Variants in AFM observed in about 807,000 individuals in gnomAD.
The protein encoded by AFM is afamin.
In AFM, 82 loss-of-function variants were observed where a neutral mutation model predicts 68.7. The observed-to-expected ratio is 1.19, with a 90% confidence interval of 1.00 to 1.43. The LOEUF (loss-of-function observed/expected upper bound fraction) is 1.43. Among genes scored for constraint, AFM ranks in the 40% most tolerant of loss-of-function variants. The pLI, the probability that AFM is intolerant of heterozygous loss-of-function variation, is 0.00. For missense variants in AFM, 772 were observed against 701.8 expected (o/e 1.10, Z -1.13); for synonymous variants, 250 against 234.2 (o/e 1.07, Z -0.61).
Position 73,487,009 on chromosome 4 carries a change from C to T in AFM, c.525C>T (p.Ala175=). The T allele has an allele frequency of 1.2e-6, 2 of 1,613,812 alleles. No homozygotes were observed. The highest frequency in any genetic ancestry group is 1.7e-6 in the Non-Finnish European group (2 of 1,179,876). The change falls in exon 5 of 15, where the codon GCC becomes GCT. Residue 175 remains alanine (A), a synonymous_variant. Transcript: ENST00000226355. ...EVARRNPFVF[A]PTLLTVAVHF... Reference sequence around the variant, plus strand: ...CCAGAAGGAACCCATTTGTCTTCGCCCCTACACTTCTAACTGTTGCTGTTC... The same window carrying T: ...CCAGAAGGAACCCATTTGTCTTCGCTCCTACACTTCTAACTGTTGCTGTTC...
At chr4:73,488,840 GGT>G (rs902479346) in intron 7 of AFM, 81 bp downstream of exon 7, 1 of 1,360,368 alleles carries the variant, frequency 7.4e-7, no homozygotes, top group Non-Finnish European at 1.0e-6. Context: ...CCTGATATGT[GGT>G]TACTTTGCCA....
chr4:73,489,175 G>C (rs761010816), intron 7 of AFM, among the ~76,000 whole-genome samples: 1 of 152,030 alleles, frequency 6.6e-6, no homozygotes, highest in African/African-American at 2.4e-5. Context: ...ACGCTATTCA[G>C]GTATAGTCCT....
At chr4:73,484,236 T>A in intron 2 of AFM, 22 bp from the exon 3 acceptor site, 1 of 1,595,878 alleles carries the variant, frequency 6.3e-7, no homozygotes, top group Non-Finnish European at 8.5e-7. Context: ...GATCTTTGTA[T>A]ACCCCATGTG....
intron 8 of AFM, 21 bp downstream of exon 8, chr4:73,492,107 A>G: frequency 6.3e-7 from 1 of 1,576,734 alleles, no homozygotes; most frequent in Non-Finnish European, 8.6e-7. Flanking sequence ...TCTTTATTGA[A>G]TTTATAAGGG....
chr4:73,496,706 A>C (rs1172679134), intron 9 of AFM, among the ~76,000 whole-genome samples: 1 of 152,290 alleles, frequency 6.6e-6, no homozygotes, highest in East Asian at 1.9e-4. Flanking sequence ...ATATGATTTT[A>C]GCTATTTACA....
intron 1 of AFM, among the ~76,000 whole-genome samples, chr4:73,482,998 G>T (rs2149342030): frequency 6.6e-6 from 1 of 152,208 alleles, no homozygotes; most frequent in Non-Finnish European, 1.5e-5. Context: ...CTGGGCCCAG[G>T]TTCTTTCTAT....
chr4:73,484,483 TTTCTTTC>T (rs1720822317), intron 3 of AFM, 93 bp downstream of exon 3: 15 of 704,732 alleles, frequency 2.1e-5, no homozygotes, highest in Non-Finnish European at 3.2e-5. Flanking sequence ...TCTTTCTTTC[TTTCTTTC>T]TTTCTTTCTT....
At chr4:73,482,020 G>A (rs539759071) in intron 1 of AFM, among the ~76,000 whole-genome samples, 157 bp downstream of exon 1, 1 of 152,154 alleles carries the variant, frequency 6.6e-6, no homozygotes, top group Admixed American at 6.5e-5. Context: ...AACCTTTTCA[G>A]AATTTTTATT....
intron 4 of AFM, 43 bp from the exon 5 acceptor site, chr4:73,486,923 TC>T: frequency 6.3e-7 from 1 of 1,588,712 alleles, no homozygotes; most frequent in South Asian, 1.1e-5. Flanking sequence ...GCTTCCTGTT[TC>T]TTCCCTCACC....
At chr4:73,501,684 C>A in intron 12 of AFM, 103 bp from the exon 13 acceptor site, 2 of 1,323,496 alleles carry the variant, frequency 1.5e-6, no homozygotes, top group South Asian at 3.0e-5. Flanking sequence ...TTACCCACAC[C>A]CAAGCTGAGA....
intron 9 of AFM, 77 bp downstream of exon 9, chr4:73,495,509 T>A: frequency 1.3e-6 from 2 of 1,554,702 alleles, no homozygotes; most frequent in Non-Finnish European, 1.7e-6. Flanking sequence ...ATCAGAGTTT[T>A]GCTGCAGTCT....
rs1384155853 is a variant in AFM, at chr4:73,486,087, T to C, written c.482+14T>C. The C allele has an allele frequency of 1.3e-6, 2 of 1,596,786 alleles. No individual in the cohort carries two copies. The highest frequency in any genetic ancestry group is 1.7e-6 in the Non-Finnish European group (2 of 1,165,942). On this transcript the variant is annotated intron_variant, in intron 4 of 14. Coordinates refer to ENST00000226355, the MANE Select transcript of AFM (RefSeq NM_001133.2). Reference sequence around the variant, plus strand: ...CCTTTTAAATCAGTAAGTTTAATCTTAGTAAAAAATGATCCAGTTGAAGAA... The same window carrying C: ...CCTTTTAAATCAGTAAGTTTAATCTCAGTAAAAAATGATCCAGTTGAAGAA...
Position 73,491,887 on chromosome 4 carries a change from C to G in AFM, c.859C>G (p.His287Asp), listed in dbSNP as rs376119920. Reference protein sequence around the residue: ...CIRDTSKVMNHICSKQDSISS... With the variant: ...CIRDTSKVMNDICSKQDSISS... ...TTTGGTACAGAGCAAGGTTATGAAC[C>G]ATATTTGTTCAAAACAAGATTCTAT... is the stretch of plus-strand genomic sequence containing the variant. Residue 287 changes from histidine (H) to aspartate (D), a missense_variant, in exon 8 of 15, where the codon CAT (histidine) becomes GAT (aspartate). His to Asp is a moderately conservative substitution (Grantham distance 81, BLOSUM62 -1). Transcript: ENST00000226355. 263 of 1,612,822 alleles carry G rather than the reference C, an allele frequency of 1.6e-4. 3 individuals are homozygous for G. The South Asian group carries it at 2.6e-3, about 16-fold the overall frequency.
At position 73,499,197 on chromosome 4, in the gene AFM, T is replaced by C; in HGVS notation, c.1373T>C (p.Phe458Ser). 6.2e-7 allele frequency: 1 copy of C among 1,613,072 alleles called. No individual in the cohort carries two copies. Among genetic ancestry groups the C allele is most frequent in the Non-Finnish European group, 8.5e-7 (1 of 1,179,490 alleles). Residue 458 changes from phenylalanine to serine, a missense_variant, in exon 11 of 15, where the codon TTC becomes TCC. Physicochemically the swap from Phe to Ser is radical, Grantham distance 155. Transcript: ENST00000226355. ...VSLGEKMVTA[F>S]TTCCTLSEEF... ...CTTGGCGAGAAAATGGTGACAGCTTTCACTACTTGCTGTACGCTAAGTGAA... is the reference window on the plus strand; with the variant it reads ...CTTGGCGAGAAAATGGTGACAGCTTCCACTACTTGCTGTACGCTAAGTGAA...
Position 73,491,926 on chromosome 4 carries a change from A to G in AFM, c.898A>G (p.Lys300Glu). Residue 300 changes from lysine to glutamate, a missense_variant, in exon 8 of 15, where the codon AAA becomes GAA. Coordinates refer to ENST00000226355, the MANE Select transcript of AFM (RefSeq NM_001133.2). ...SKQDSISSKI[K>E]ECCEKKIPER... ...ACAAGATTCTATCTCCAGCAAAATCAAAGAGTGCTGTGAAAAGAAAATACC... is the reference window on the plus strand; with the variant it reads ...ACAAGATTCTATCTCCAGCAAAATCGAAGAGTGCTGTGAAAAGAAAATACC... 1 of 1,614,076 alleles carries G rather than the reference A, an allele frequency of 6.2e-7. No homozygotes were observed. The highest frequency in any genetic ancestry group is 8.5e-7 in the Non-Finnish European group (1 of 1,179,972).
chr4:73,488,140 C>T (rs1316456213), intron 6 of AFM, among the ~76,000 whole-genome samples: 4 of 152,124 alleles, frequency 2.6e-5, no homozygotes, highest in Non-Finnish European at 5.9e-5. Context: ...ATCCATTGGT[C>T]TTTGACTTTA....
At chr4:73,481,917 A>G in intron 1 of AFM, 54 bp downstream of exon 1, 3 of 1,283,546 alleles carry the variant, frequency 2.3e-6, no homozygotes, top group East Asian at 4.8e-5. Context: ...GATAATTTCT[A>G]TTTTTAAAAT....
chr4:73,502,019 C>A (rs1721437291), intron 13 of AFM, 100 bp downstream of exon 13: 1 of 1,311,002 alleles, frequency 7.6e-7, no homozygotes, highest in Non-Finnish European at 1.0e-6. Flanking sequence ...GCAGTGTCTA[C>A]CAGGACTACA....
intron 8 of AFM, among the ~76,000 whole-genome samples, chr4:73,494,838 A>T (rs889856244): frequency 1.3e-5 from 2 of 152,202 alleles, no homozygotes; most frequent in African/African-American, 2.4e-5. Context: ...CATAGTTGGC[A>T]AGTGACAGGA....
Sources: gnomAD v4.1 joint callset for allele counts (sites outside exome capture counted in the v4.1 genomes callset) on GRCh38, gnomAD v4.1.1 for gene constraint, MANE v1.5 for transcripts, NCBI Gene and HGNC (gene_info 2026-07-23, HGNC 2026-07-21) for gene names.